PHTF1: variants seen among roughly 807,000 people sequenced by gnomAD.
PHTF1 encodes the protein protein PHTF1.
PHTF1 carries 88 observed loss-of-function variants against 102.4 expected under a neutral mutation model. That is an observed-to-expected ratio of 0.86 (90% confidence interval 0.72 to 1.03). The LOEUF (loss-of-function observed/expected upper bound fraction) is 1.03. Ranked by LOEUF, PHTF1 falls within the 50% of genes least tolerant of loss-of-function variation. PHTF1 has a pLI of 0.00. For synonymous variants in PHTF1, 289 were observed against 305.2 expected, an observed-to-expected ratio of 0.95 and a Z score of 0.55; for missense variants, 814 against 909.5, an observed-to-expected ratio of 0.89 and a Z score of 1.35.
intron 17 of PHTF1, 161 bp downstream of exon 17, chr1:113,699,543 C>G: frequency 1.5e-6 from 1 of 665,048 alleles, no homozygotes; most frequent in Non-Finnish European, 2.7e-6. Flanking sequence ...CAGCTCTGGT[C>G]CTAACCACCA....
chr1:113,723,737 T>C (rs892602139), intron 7 of PHTF1, among the ~76,000 whole-genome samples: 1 of 152,112 alleles, frequency 6.6e-6, no homozygotes, highest in Non-Finnish European at 1.5e-5. Flanking sequence ...TAAGTAATAC[T>C]CCACAAGCAC....
chr1:113,754,867 CTCTA>C (rs1236057850), intron 3 of PHTF1, among the ~76,000 whole-genome samples: 1 of 152,146 alleles, frequency 6.6e-6, no homozygotes, highest in Non-Finnish European at 1.5e-5. Flanking sequence ...TGGCCTATCA[CTCTA>C]TCTATGTACC....
At chr1:113,739,110 C>T (rs1188931815) in intron 3 of PHTF1, among the ~76,000 whole-genome samples, 1 of 152,178 alleles carries the variant, frequency 6.6e-6, no homozygotes, top group African/African-American at 2.4e-5. Flanking sequence ...ACCTCGGCCT[C>T]CCAAAAGTCT....
chr1:113,722,956 AAATAAAT>A (rs1653209961), intron 7 of PHTF1, among the ~76,000 whole-genome samples: 3 of 149,376 alleles, frequency 2.0e-5, no homozygotes, highest in Admixed American at 1.3e-4. Flanking sequence ...ATAAATAAAT[AAATAAAT>A]AAAAATAAAA....
chr1:113,752,696 T>A (rs565266500), intron 3 of PHTF1, among the ~76,000 whole-genome samples: 2 of 152,164 alleles, frequency 1.3e-5, no homozygotes, highest in Non-Finnish European at 2.9e-5. Context: ...CTGTCATTTT[T>A]TATATATATT....
At chr1:113,711,397 G>C (rs1443200718) in intron 10 of PHTF1, among the ~76,000 whole-genome samples, 1 of 152,040 alleles carries the variant, frequency 6.6e-6, no homozygotes, top group Non-Finnish European at 1.5e-5. Flanking sequence ...CCATCTTTCA[G>C]AACTCCTTTC....
intron 3 of PHTF1, among the ~76,000 whole-genome samples, chr1:113,754,876 T>G (rs992935134): frequency 2.6e-5 from 4 of 152,184 alleles, no homozygotes; most frequent in African/African-American, 9.6e-5. Context: ...ACTCTATCTA[T>G]GTACCTTATT....
At chr1:113,700,566 T>C (rs1030225622) in intron 16 of PHTF1, among the ~76,000 whole-genome samples, 25 of 152,214 alleles carry the variant, frequency 1.6e-4, no homozygotes, top group African/African-American at 6.0e-4. Context: ...CTCCATAGTA[T>C]ACAAAGTCTT....
chr1:113,704,834 T>C (rs769293242), intron 13 of PHTF1, 37 bp from the exon 14 acceptor site: 3 of 1,377,774 alleles, frequency 2.2e-6, no homozygotes, highest in South Asian at 1.3e-5. Context: ...GTGAAATGTA[T>C]GTATGTGTCT....
intron 3 of PHTF1, among the ~76,000 whole-genome samples, chr1:113,755,259 G>T (rs1438943546): frequency 6.7e-6 from 1 of 150,054 alleles, no homozygotes; most frequent in Non-Finnish European, 1.5e-5. Context: ...TAATTTTTTT[G>T]TATGCTATAC....
intron 6 of PHTF1, 51 bp downstream of exon 6, chr1:113,726,367 A>T: frequency 7.7e-7 from 1 of 1,299,550 alleles, no homozygotes; most frequent in Non-Finnish European, 1.1e-6. Context: ...ATAAATCTCT[A>T]CAATAACTCT....
At chr1:113,728,547 C>T (rs369651642) in intron 5 of PHTF1, among the ~76,000 whole-genome samples, 1 of 152,258 alleles carries the variant, frequency 6.6e-6, no homozygotes, top group African/African-American at 2.4e-5. Flanking sequence ...TTGGAGGTTC[C>T]TCAAATAAAG....
At chr1:113,735,505 G>C (rs575107614) in intron 5 of PHTF1, among the ~76,000 whole-genome samples, 59 of 150,684 alleles carry the variant, frequency 3.9e-4, no homozygotes, top group African/African-American at 1.4e-3. Flanking sequence ...ATGATGGTAT[G>C]CCCATATGAT....
chr1:113,754,238 T>C (rs1369991900), intron 3 of PHTF1, among the ~76,000 whole-genome samples: 2 of 152,042 alleles, frequency 1.3e-5, no homozygotes, highest in South Asian at 2.1e-4. Context: ...TGGCAAGACC[T>C]TGTCTCTACA....
At position 113,706,531 on chromosome 1, in the gene PHTF1, A is replaced by T. The variant is rs116788344; in HGVS notation, c.1398+63T>A. On this transcript the variant is annotated intron_variant, in intron 12 of 18. Coordinates refer to ENST00000369604, the MANE Select transcript of PHTF1 (RefSeq NM_001323043.2). ...CTGTTTTAATCACTAAGAGATTCTT[A>T]TAAAATAGCTCCTGATCACTTCGTA... The T allele has an allele frequency of 3.2e-4, 436 of 1,367,976 alleles. 4 individuals are homozygous for T. The African/African-American group carries it at 5.4e-3, about 17-fold the overall frequency. The allele number at this position is 1,367,976 out of a possible 1,614,324, so 84.7% of individuals were successfully genotyped here.
chr1:113,758,683 ATC>A lies in PHTF1; in HGVS notation c.19_20del (p.Asp7CysfsTer27), dbSNP rs769408357. On this transcript the variant is annotated frameshift_variant, in exon 2 of 19. Coordinates refer to ENST00000369604, the MANE Select transcript of PHTF1 (RefSeq NM_001323043.2). LOFTEE classifies it high-confidence loss of function. The part of the protein sequence containing the change: MASNER[D>X]AISWYQKKIG... ...CCTTCTTTTGGTACCACGATATAGC[ATC>A]TCTCTCATTTGAGGCCATCTGTGTC... 6.2e-7 allele frequency: 1 copy of A among 1,608,006 alleles called. No homozygotes were observed.
At chr1:113,728,118 G>T (rs1412764011) in intron 5 of PHTF1, among the ~76,000 whole-genome samples, 1 of 152,126 alleles carries the variant, frequency 6.6e-6, no homozygotes, top group East Asian at 1.9e-4. Flanking sequence ...GCCGGGCCGA[G>T]GGAAGCTTCT....
chr1:113,751,432 T>A (rs962653419), intron 3 of PHTF1, among the ~76,000 whole-genome samples: 1 of 152,236 alleles, frequency 6.6e-6, no homozygotes, highest in African/African-American at 2.4e-5. Flanking sequence ...TTGATCTGTT[T>A]TCTATTTCTA....
intron 4 of PHTF1, 131 bp from the exon 5 acceptor site, chr1:113,738,399 C>G (rs75837212): frequency 1.6e-6 from 1 of 633,320 alleles, no homozygotes; most frequent in Non-Finnish European, 2.6e-6. Flanking sequence ...AAAAAAAACC[C>G]TCTTAGATGT....
Sources: allele counts gnomAD v4.1 joint callset (sites outside exome capture counted in the v4.1 genomes callset), GRCh38; gene constraint gnomAD v4.1.1; transcripts MANE v1.5; gene names NCBI Gene and HGNC (gene_info 2026-07-23, HGNC 2026-07-21).